The following DOCK6 variants were observed in gnomAD, a reference collection of about 807,000 sequenced individuals.
DOCK6 encodes dedicator of cytokinesis 6, also known as dedicator of cytokinesis protein 6.
DOCK6 carries 167 observed loss-of-function variants against 230.3 expected under a neutral mutation model. The observed-to-expected ratio is 0.73, with a 90% CI of 0.64 to 0.82. The LOEUF is 0.82. DOCK6 is among the 40% of genes least tolerant of loss of function. The pLI, the probability that DOCK6 is intolerant of heterozygous loss-of-function variation, is 0.00. For missense variants in DOCK6, 2,598 were observed against 2,825.8 expected, an observed-to-expected ratio of 0.92 and a Z score of 1.83; for synonymous variants, 1,148 against 1,185.0, an observed-to-expected ratio of 0.97 and a Z score of 0.64.
chr19:11,214,397 A>G lies in DOCK6; in HGVS notation c.4216T>C (p.Ser1406Pro). 6.2e-7 allele frequency: 1 copy of G among 1,613,764 alleles called. No individual in the cohort carries two copies. Among genetic ancestry groups the G allele is most frequent in the South Asian group, 1.1e-5 (1 of 91,078 alleles). Reference protein sequence around the residue: ...LEIIVQTVMLSEARESVLGAV... With the variant: ...LEIIVQTVMLPEARESVLGAV... ...CCCAAGACGCTCTCCCGGGCTTCTG[A>G]AAGCATCACCGTCTGGAGGGAAGGG... Residue 1406 changes from serine (S) to proline (P), a missense_variant, in exon 34 of 48, where the codon TCA becomes CCA. Physicochemically the swap from Ser to Pro is moderately conservative, Grantham distance 74. Transcript: ENST00000294618.
chr19:11,209,910 A>C (rs1322899146), intron 37 of DOCK6, among the ~76,000 whole-genome samples: 151 of 27,912 alleles, frequency 5.4e-3, no homozygotes, highest in Middle Eastern at 0.028. Flanking sequence ...CACCCCCTCA[A>C]CTGTCCACCT....
At chr19:11,256,600 C>A (rs2080201182) in intron 1 of DOCK6, among the ~76,000 whole-genome samples, 1 of 152,212 alleles carries the variant, frequency 6.6e-6, no homozygotes, top group African/African-American at 2.4e-5. Context: ...GGGCTTGCTG[C>A]CACCATGTTG....
intron 30 of DOCK6, chr19:11,216,700 C>T (rs1034020242): frequency 7.0e-6 from 4 of 573,528 alleles, no homozygotes; most frequent in Non-Finnish European, 9.3e-6. Context: ...TGAGCCACTG[C>T]ACCCGGCCTC....
In DOCK6 at chr19:11,200,874, C is replaced by T. The variant is rs2079158022; in HGVS notation, c.5832+35G>A. 6.2e-7 allele frequency: 1 copy of T among 1,613,772 alleles called. No individual in the cohort carries two copies. Among genetic ancestry groups the T allele is most frequent in the Non-Finnish European group, 8.5e-7 (1 of 1,179,802 alleles). ...CAGCCTGCATGGCACCTGGAGTCCC[C>T]CGTGCGGCTTGCATCCCCCTTCCAC... On this transcript the variant is annotated intron_variant, in intron 45 of 47. Coordinates refer to ENST00000294618, the MANE Select transcript of DOCK6 (RefSeq NM_020812.4). This position sits in a 1 kb window ranked among gnomAD's most constrained non-coding sequence, Gnocchi z 4.3.
In DOCK6 at chr19:11,243,661, G is replaced by T. The variant is rs368191221; in HGVS notation, c.1154C>A (p.Thr385Asn). The change falls in exon 11 of 48, where the codon ACC becomes AAC. Residue 385 changes from threonine to asparagine, a missense_variant. Physicochemically the swap from Thr to Asn is moderately conservative, Grantham distance 65. Transcript: ENST00000294618. The surrounding 1 kb of genome is among the most constrained non-coding windows in gnomAD (Gnocchi z 6.3). ...KLRLAAEQFC[T>N]RLGRYRMPFA... ...GGGCATGCGGTAGCGGCCCAGGCGG[G>T]TGCAGAACTGCTCGGCCGCCAGGCG... 3 of 1,613,020 alleles carry T rather than the reference G, an allele frequency of 1.9e-6. No individual in the cohort carries two copies. The highest frequency in any genetic ancestry group is 2.5e-6 in the Non-Finnish European group (3 of 1,179,756).
At position 11,241,567 on chromosome 19, in the gene DOCK6, G is replaced by A. The variant is rs760883807; in HGVS notation, c.1643+478C>T. The A allele has an allele frequency of 3.2e-6, 5 of 1,554,308 alleles. No homozygotes were observed. In the South Asian group the frequency reaches 5.9e-5, roughly 18 times the overall value. On this transcript the variant is annotated intron_variant, in intron 14 of 47. Transcript: ENST00000294618. ...AGATCCAGGAGAGGTGAGCCTGGCA[G>A]GGGTTTGGCAGGCAGGGCAGTTGGA...
At chr19:11,219,052 T>G (rs1480809840) in intron 28 of DOCK6, among the ~76,000 whole-genome samples, 1 of 150,396 alleles carries the variant, frequency 6.6e-6, no homozygotes, top group African/African-American at 2.4e-5. Context: ...CTAATTTTTG[T>G]ATTTTTAGTA....
At position 11,236,853 on chromosome 19, in the gene DOCK6, C is replaced by T; in HGVS notation, c.2100G>A (p.Val700=). ...PDVALPGMRW[V]DGHKGVFSVE... ...CACTGAACACGCCCTTGTGACCGTC[C>T]ACCCAGCGCATGCCCGGAAGCGCCA... Residue 700 remains valine (V), a synonymous_variant, in exon 19 of 48, where the codon GTG becomes GTA. Coordinates refer to ENST00000294618, the MANE Select transcript of DOCK6 (RefSeq NM_020812.4). This position sits in a 1 kb window ranked among gnomAD's most constrained non-coding sequence, Gnocchi z 5.2. The T allele has an allele frequency of 6.4e-7, 1 of 1,555,122 alleles. No individual in the cohort carries two copies. Among genetic ancestry groups the T allele is most frequent in the Non-Finnish European group, 8.7e-7 (1 of 1,149,510 alleles).
intron 1 of DOCK6, among the ~76,000 whole-genome samples, chr19:11,259,544 A>ATTATT (rs1300332261): frequency 1.0e-5 from 1 of 100,462 alleles, no homozygotes; most frequent in Non-Finnish European, 2.3e-5. Context: ...CCAATGAATC[A>ATTATT]TTATTTCTTT....
intron 7 of DOCK6, among the ~76,000 whole-genome samples, chr19:11,246,860 C>T (rs1599277835): frequency 6.6e-6 from 1 of 152,144 alleles, no homozygotes; most frequent in African/African-American, 2.4e-5. Flanking sequence ...CACCTCCAAA[C>T]TGAAACACTG....
chr19:11,211,813 G>C lies in DOCK6; in HGVS notation c.4714C>G (p.Gln1572Glu). The C allele has an allele frequency of 6.4e-7, 1 of 1,552,242 alleles. No homozygotes were observed. Among genetic ancestry groups the C allele is most frequent in the Non-Finnish European group, 8.7e-7 (1 of 1,147,270 alleles). Residue 1572 changes from glutamine to glutamate, a missense_variant, in exon 37 of 48, where the codon CAG (glutamine) becomes GAG (glutamate). Coordinates refer to ENST00000294618, the MANE Select transcript of DOCK6 (RefSeq NM_020812.4). ...LTDTVKMKEH[Q>E]EDPEMLIDLM... The stretch of plus-strand genomic sequence containing the variant: ...TCGATGAGCATCTCAGGGTCCTCCT[G>C]GTGTTCCTTCATCTTCACCGTGTCC...
intron 13 of DOCK6, among the ~76,000 whole-genome samples, chr19:11,242,707 A>G (rs1373017332): frequency 2.0e-5 from 3 of 150,946 alleles, no homozygotes; most frequent in Non-Finnish European, 4.4e-5. Context: ...GCTGGTCTTG[A>G]GCTCCTGGGC....
At position 11,243,583 on chromosome 19, in the gene DOCK6, A is replaced by G. The variant is rs1216906593; in HGVS notation, c.1232T>C (p.Leu411Pro). Residue 411 changes from leucine to proline, a missense_variant, in exon 11 of 48, where the codon CTG becomes CCG. Physicochemically the swap from Leu to Pro is moderately conservative, Grantham distance 98. Coordinates refer to ENST00000294618, the MANE Select transcript of DOCK6 (RefSeq NM_020812.4). The surrounding 1 kb of genome is among the most constrained non-coding windows in gnomAD (Gnocchi z 6.3). ...GCCCTCCGAGTCAGAGTCCCGGTCCAGCTGCCCAGCGCTGCTCACGATGTT... is the reference window on the plus strand; with the variant it reads ...GCCCTCCGAGTCAGAGTCCCGGTCCGGCTGCCCAGCGCTGCTCACGATGTT... ...LANIVSSAGQ[L>P]DRDSDSEGER... 3 of 1,608,280 alleles carry G rather than the reference A, an allele frequency of 1.9e-6. No individual in the cohort carries two copies. Among genetic ancestry groups the G allele is most frequent in the East Asian group, 2.2e-5 (1 of 44,654 alleles).
chr19:11,220,180 C>T (rs1484855156), intron 28 of DOCK6, among the ~76,000 whole-genome samples: 1 of 152,096 alleles, frequency 6.6e-6, no homozygotes, highest in Non-Finnish European at 1.5e-5. Context: ...TCTCGATCTC[C>T]TGACCTCAGG....
chr19:11,249,299 T>G (rs892518273), intron 6 of DOCK6, among the ~76,000 whole-genome samples: 1 of 149,902 alleles, frequency 6.7e-6, no homozygotes, highest in Non-Finnish European at 1.5e-5. Flanking sequence ...GATCACAAGG[T>G]CAGGAGTTTG....
rs35078964 is a variant in DOCK6 at position 11,243,574 on chromosome 19, TC to T, written c.1240del (p.Asp414ThrfsTer41). On this transcript the variant is annotated frameshift_variant, in exon 11 of 48. Coordinates refer to ENST00000294618, the MANE Select transcript of DOCK6 (RefSeq NM_020812.4). LOFTEE classifies it high-confidence loss of function. This position sits in a 1 kb window ranked among gnomAD's most constrained non-coding sequence, Gnocchi z 6.3. ...IVSSAGQLDR[D>X]SDSEGERRPA... ...CTCCTCACCGCCCTCCGAGTCAGAG[TC>T]CCGGTCCAGCTGCCCAGCGCTGCTC... 6.2e-7 allele frequency: 1 copy of T among 1,605,614 alleles called. No individual in the cohort carries two copies. The highest frequency in any genetic ancestry group is 8.5e-7 in the Non-Finnish European group (1 of 1,177,262).
At chr19:11,207,847 C>G (rs1297515352) in intron 39 of DOCK6, among the ~76,000 whole-genome samples, 3 of 151,980 alleles carry the variant, frequency 2.0e-5, no homozygotes, top group African/African-American at 7.3e-5. Flanking sequence ...GGAGAATCAC[C>G]TGAGCCCTGG....
At chr19:11,232,808 TATGCACCC>T (rs2079788013) in intron 22 of DOCK6, among the ~76,000 whole-genome samples, 2 of 152,118 alleles carry the variant, frequency 1.3e-5, no homozygotes, top group Non-Finnish European at 2.9e-5. Flanking sequence ...TGAATGTGTA[TATGCACCC>T]ATGTACATAT....
At chr19:11,252,617 G>A in intron 3 of DOCK6, 67 bp from the exon 4 acceptor site, 2 of 1,605,466 alleles carry the variant, frequency 1.2e-6, no homozygotes, top group Non-Finnish European at 1.7e-6. Context: ...TAGCCTGTAA[G>A]GTTAGCACTG....
Sources: allele counts gnomAD v4.1 joint callset (sites outside exome capture counted in the v4.1 genomes callset), GRCh38; gene constraint gnomAD v4.1.1; non-coding constraint Gnocchi (gnomAD v3.1); transcripts MANE v1.5; gene names NCBI Gene and HGNC (gene_info 2026-07-23, HGNC 2026-07-21).